ADAMTS12: variants seen among roughly 807,000 people sequenced by gnomAD.
ADAMTS12 encodes the protein ADAM metallopeptidase with thrombospondin type 1 motif 12, also known as A disintegrin and metalloproteinase with thrombospondin motifs 12.
ADAMTS12 carries 118 observed loss-of-function variants against 167.8 expected under a neutral mutation model. The observed-to-expected ratio is 0.70, with a 90% CI of 0.61 to 0.82. The LOEUF (loss-of-function observed/expected upper bound fraction) is 0.82, where lower values mean the gene tolerates loss of function less well. Among genes scored for constraint, ADAMTS12 ranks in the 40% least tolerant of loss-of-function variants. The pLI is 0.00. For missense variants in ADAMTS12, 1,916 were observed against 1,998.8 expected, an observed-to-expected ratio of 0.96 and a Z score of 0.79; for synonymous variants, 704 against 716.9, an observed-to-expected ratio of 0.98 and a Z score of 0.29.
chr5:33,843,465 G>A (rs1297613543), intron 2 of ADAMTS12, among the ~76,000 whole-genome samples: 3 of 152,182 alleles, frequency 2.0e-5, no homozygotes, highest in African/African-American at 4.8e-5. Flanking sequence ...GAATGTGGGA[G>A]CTGAATTTTG....
At chr5:33,727,403 T>C (rs928289415) in intron 3 of ADAMTS12, among the ~76,000 whole-genome samples, 1 of 152,268 alleles carries the variant, frequency 6.6e-6, no homozygotes, top group African/African-American at 2.4e-5. Context: ...GAAGTTAACA[T>C]AGCTGTTTTC....
intron 2 of ADAMTS12, among the ~76,000 whole-genome samples, chr5:33,823,846 G>A (rs774790505): frequency 9.9e-5 from 15 of 152,042 alleles, no homozygotes; most frequent in Admixed American, 3.3e-4. Flanking sequence ...CAGGGGTCTC[G>A]TTTTTAGAAT....
chr5:33,773,072 G>T (rs745936920), intron 2 of ADAMTS12, among the ~76,000 whole-genome samples: 2 of 152,214 alleles, frequency 1.3e-5, no homozygotes, highest in African/African-American at 4.8e-5. Context: ...GAAGGTGCAA[G>T]GCATAAATAA....
At chr5:33,784,529 A>G (rs950800670) in intron 2 of ADAMTS12, among the ~76,000 whole-genome samples, 32 of 138,110 alleles carry the variant, frequency 2.3e-4, no homozygotes, top group African/African-American at 1.1e-3. Flanking sequence ...TAAAAAAAAT[A>G]GTTGTATTCT....
intron 19 of ADAMTS12, among the ~76,000 whole-genome samples, chr5:33,567,545 G>A (rs777328416): frequency 4.0e-4 from 61 of 152,250 alleles, no homozygotes; most frequent in Middle Eastern, 3.4e-3. Context: ...TGTTCCCTCC[G>A]CATCCGCATT....
chr5:33,850,864 G>T (rs1749196285), intron 2 of ADAMTS12, among the ~76,000 whole-genome samples: 1 of 152,130 alleles, frequency 6.6e-6, no homozygotes, highest in Admixed American at 6.5e-5. Flanking sequence ...ACCTAATTTT[G>T]CACGTATCAC....
intron 1 of ADAMTS12, chr5:33,888,101 G>A (rs569203538): frequency 4.6e-5 from 7 of 151,998 alleles, no homozygotes; most frequent in Non-Finnish European, 8.8e-5. Flanking sequence ...CCTTGAGCAG[G>A]GGCCACGCTA....
At chr5:33,545,403 G>A (rs187440949) in intron 22 of ADAMTS12, among the ~76,000 whole-genome samples, 136 of 152,222 alleles carry the variant, frequency 8.9e-4, no homozygotes, top group African/African-American at 3.2e-3. Context: ...ATGCTTTTAC[G>A]CTGTTGGTGG....
intron 2 of ADAMTS12, among the ~76,000 whole-genome samples, chr5:33,841,178 C>T (rs2548021): frequency 0.02 from 3,071 of 152,288 alleles, 148 homozygotes; most frequent in East Asian, 0.2. Flanking sequence ...CAGCCCTTAC[C>T]AGTACTGCTA....
At chr5:33,714,041 T>C (rs2112322754) in intron 3 of ADAMTS12, among the ~76,000 whole-genome samples, 1 of 152,222 alleles carries the variant, frequency 6.6e-6, no homozygotes, top group Non-Finnish European at 1.5e-5. Flanking sequence ...CCACTTGTAT[T>C]TATTTGAAAG....
chr5:33,558,252 T>C (rs1024181927), intron 20 of ADAMTS12, among the ~76,000 whole-genome samples: 3 of 152,026 alleles, frequency 2.0e-5, no homozygotes, highest in Non-Finnish European at 4.4e-5. Context: ...CCCATAATAG[T>C]GGTCAGAAAA....
chr5:33,686,406 G>A (rs1742325642), intron 3 of ADAMTS12, among the ~76,000 whole-genome samples: 1 of 152,170 alleles, frequency 6.6e-6, no homozygotes, highest in South Asian at 2.1e-4. Flanking sequence ...TGTCATGGGT[G>A]AGAAGCGTGT....
At position 33,576,665 on chromosome 5, in the gene ADAMTS12, C is replaced by T; in HGVS notation, c.3361G>A (p.Ala1121Thr). 2 of 1,614,202 alleles carry T rather than the reference C, an allele frequency of 1.2e-6. No homozygotes were observed. Among genetic ancestry groups the T allele is most frequent in the Non-Finnish European group, 1.7e-6 (2 of 1,180,038 alleles). ...AAGCCAGAACCACTTGTTGTTGTAGCTACAAGGCCTCCCTCCGAGGTAGGA... is the reference window on the plus strand; with the variant it reads ...AAGCCAGAACCACTTGTTGTTGTAGTTACAAGGCCTCCCTCCGAGGTAGGA... Reference protein sequence around the residue: ...TGPTSEGGLVATTTSGSGLSS... With the variant: ...TGPTSEGGLVTTTTSGSGLSS... The change falls in exon 19 of 24, where the codon GCT (alanine) becomes ACT (threonine). Residue 1121 changes from alanine (A) to threonine (T), a missense_variant. Physicochemically the swap from Ala to Thr is moderately conservative, Grantham distance 58 (BLOSUM62 0). Coordinates refer to ENST00000504830, the MANE Select transcript of ADAMTS12 (RefSeq NM_030955.4).
intron 5 of ADAMTS12, among the ~76,000 whole-genome samples, chr5:33,681,570 G>T (rs977370317): frequency 6.6e-6 from 1 of 152,214 alleles, no homozygotes; most frequent in Admixed American, 6.5e-5. Flanking sequence ...CATTCTGGTA[G>T]AGGCTGTGAT....
At chr5:33,878,469 A>G (rs1425771537) in intron 2 of ADAMTS12, among the ~76,000 whole-genome samples, 4 of 152,130 alleles carry the variant, frequency 2.6e-5, no homozygotes, top group African/African-American at 7.2e-5. Context: ...AAATGCCTAC[A>G]TGGTAGTACT....
chr5:33,807,232 T>C (rs1381912714), intron 2 of ADAMTS12, among the ~76,000 whole-genome samples: 1 of 152,226 alleles, frequency 6.6e-6, no homozygotes, highest in Non-Finnish European at 1.5e-5. Context: ...ATAGTCATTT[T>C]ACAGATAAAA....
intron 3 of ADAMTS12, among the ~76,000 whole-genome samples, chr5:33,687,282 C>G (rs1187450998): frequency 6.6e-6 from 1 of 152,160 alleles, no homozygotes; most frequent in Non-Finnish European, 1.5e-5. Context: ...AGGTCCTATA[C>G]TAAGCACATA....
intron 19 of ADAMTS12, among the ~76,000 whole-genome samples, chr5:33,573,339 A>G (rs1579686582): frequency 6.6e-6 from 1 of 152,238 alleles, no homozygotes; most frequent in African/African-American, 2.4e-5. Context: ...ACGCTACCTG[A>G]CTTCAAACTA....
At chr5:33,810,474 A>C (rs927866594) in intron 2 of ADAMTS12, among the ~76,000 whole-genome samples, 1 of 152,118 alleles carries the variant, frequency 6.6e-6, no homozygotes, top group Non-Finnish European at 1.5e-5. Flanking sequence ...CCATACCCCC[A>C]CATACGCTAT....
Sources: gnomAD v4.1 joint callset for allele counts (sites outside exome capture counted in the v4.1 genomes callset) on GRCh38, gnomAD v4.1.1 for gene constraint, MANE v1.5 for transcripts, NCBI Gene and HGNC (gene_info 2026-07-23, HGNC 2026-07-21) for gene names.